The following PCBP3 variants were observed in gnomAD, a reference collection of about 807,000 sequenced individuals.
PCBP3 encodes poly(rC)-binding protein 3.
A neutral mutation model predicts 52.7 loss-of-function variants in PCBP3; 25 were observed. The observed-to-expected ratio is 0.47, with a 90% CI of 0.35 to 0.66. The LOEUF (loss-of-function observed/expected upper bound fraction) is 0.66. Ranked by LOEUF, PCBP3 falls within the 30% of genes least tolerant of loss-of-function variation. The pLI is 0.01. For synonymous variants in PCBP3, 162 were observed against 183.0 expected (o/e 0.89, Z 0.93); for missense variants, 391 against 490.3 (o/e 0.80, Z 1.91).
chr21:45,811,870 G>A lies in PCBP3; in HGVS notation c.-125-38091G>A, dbSNP rs377740207. Among the ~76,000 whole-genome samples the A allele has an allele frequency of 8.5e-4, 129 of 152,262 alleles. 3 individuals are homozygous for A. The South Asian group carries it at 0.026, about 31-fold the overall frequency. ...TACACCTATTGTAATAACTGATTTG[G>A]TTGAGTTTATTCTTCCTTCTTCTTA... On this transcript the variant is annotated intron_variant, in intron 4 of 17. Transcript: ENST00000681687.
At chr21:45,847,528 A>G (rs1230120064) in intron 4 of PCBP3, among the ~76,000 whole-genome samples, 1 of 152,214 alleles carries the variant, frequency 6.6e-6, no homozygotes, top group Admixed American at 6.5e-5. Context: ...CACAGTGTTC[A>G]TTGAGTTCTT....
At chr21:45,784,115 G>T (rs1412097156) in intron 4 of PCBP3, among the ~76,000 whole-genome samples, 1 of 152,188 alleles carries the variant, frequency 6.6e-6, no homozygotes, top group Non-Finnish European at 1.5e-5. Context: ...AATTTGCAGA[G>T]TCCAGTGTGG....
At chr21:45,786,216 C>T (rs7275564) in intron 4 of PCBP3, among the ~76,000 whole-genome samples, 1 of 148,226 alleles carries the variant, frequency 6.7e-6, no homozygotes, top group Admixed American at 6.7e-5. Context: ...AAAAATAGTG[C>T]CAGTGAGCTC....
In PCBP3 at chr21:45,901,096, G is replaced by T; in HGVS notation, c.322G>T (p.Ala108Ser). ...CATCTTCAAGGCCTTTGCCATGATC[G>T]CATACAAGTTTGAGGAGGTAACCTG... ...DAIFKAFAMI[A>S]YKFEEDIINS... is the part of the protein sequence containing the mutation. The change falls in exon 9 of 18, where the codon GCA becomes TCA. Residue 108 changes from alanine to serine, a missense_variant. By Grantham distance (99) the Ala-to-Ser change is moderately conservative. Transcript: ENST00000681687. 2.5e-6 allele frequency: 4 copies of T among 1,612,066 alleles called. No individual in the cohort carries two copies. The highest frequency in any genetic ancestry group is 2.2e-5 in the East Asian group (1 of 44,862).
At chr21:45,698,177 C>G (rs1233731828) in intron 2 of PCBP3, among the ~76,000 whole-genome samples, 1 of 152,184 alleles carries the variant, frequency 6.6e-6, no homozygotes, top group Non-Finnish European at 1.5e-5. Context: ...CAGGCCTGTT[C>G]CACAGACTCT....
chr21:45,872,842 T>C (rs995006734), intron 5 of PCBP3: 3 of 152,252 alleles, frequency 2.0e-5, no homozygotes, highest in African/African-American at 7.2e-5. Flanking sequence ...TGACAGAATT[T>C]GTGATATAAC....
At chr21:45,894,060 C>T (rs1214143021) in intron 5 of PCBP3, 4 of 983,824 alleles carry the variant, frequency 4.1e-6, no homozygotes, top group Non-Finnish European at 4.8e-6. Context: ...ATGCCTCGTC[C>T]ACCCTGGCCT....
intron 16 of PCBP3, among the ~76,000 whole-genome samples, chr21:45,939,694 G>A (rs1032251644): frequency 9.9e-5 from 15 of 152,218 alleles, no homozygotes; most frequent in East Asian, 1.9e-4. Context: ...CCTGTGGGTC[G>A]CTCCTGGACC....
At chr21:45,854,853 C>T (rs745438495) in intron 5 of PCBP3, among the ~76,000 whole-genome samples, 4 of 152,292 alleles carry the variant, frequency 2.6e-5, no homozygotes, top group African/African-American at 7.2e-5. Flanking sequence ...GCAAGCACTC[C>T]GAGCCTCTGC....
At chr21:45,774,079 C>T (rs940674666) in intron 4 of PCBP3, among the ~76,000 whole-genome samples, 5 of 152,022 alleles carry the variant, frequency 3.3e-5, no homozygotes, top group African/African-American at 1.2e-4. Flanking sequence ...ATTTTGTATC[C>T]TGCAACTTAC....
chr21:45,694,383 A>G (rs897267999), intron 2 of PCBP3, among the ~76,000 whole-genome samples: 2 of 152,206 alleles, frequency 1.3e-5, no homozygotes, highest in Non-Finnish European at 2.9e-5. Flanking sequence ...AGAAAAATCT[A>G]TACCACTTGA....
chr21:45,769,387 A>G (rs2089658948), intron 4 of PCBP3, among the ~76,000 whole-genome samples: 1 of 152,204 alleles, frequency 6.6e-6, no homozygotes, highest in South Asian at 2.1e-4. Context: ...CACCATTAGA[A>G]GACGCGGGTG....
chr21:45,929,845 G>C (rs1461631911), intron 13 of PCBP3, 72 bp from the exon 14 acceptor site: 1 of 1,115,628 alleles, frequency 9.0e-7, no homozygotes, highest in Non-Finnish European at 1.4e-6. Flanking sequence ...TTCTGTTACT[G>C]CCGTTTTAAT....
At chr21:45,895,470 G>A (rs972390833) in intron 5 of PCBP3, among the ~76,000 whole-genome samples, 7 of 152,164 alleles carry the variant, frequency 4.6e-5, no homozygotes, top group South Asian at 4.1e-4. Context: ...GGTCCCCACC[G>A]TGCCACACAA....
chr21:45,796,418 C>T (rs1225688768), intron 4 of PCBP3, among the ~76,000 whole-genome samples: 1 of 152,186 alleles, frequency 6.6e-6, no homozygotes, highest in Non-Finnish European at 1.5e-5. Context: ...TCAGTTTCCT[C>T]TTTGGGATGC....
chr21:45,694,747 A>G (rs536597992), intron 2 of PCBP3, among the ~76,000 whole-genome samples: 3 of 152,340 alleles, frequency 2.0e-5, no homozygotes, highest in South Asian at 2.1e-4. Context: ...AAGAACTTCT[A>G]GAAATAAAAC....
rs971629090 is a variant in PCBP3, at chr21:45,829,833, T to G, written c.-125-20128T>G. The G allele has an allele frequency of 8.5e-5, 13 of 152,544 alleles. No homozygotes were observed. Among genetic ancestry groups the G allele is most frequent in the African/African-American group, 1.4e-4 (6 of 41,450 alleles). The allele number at this position is 152,544 out of a possible 1,614,324, so 9.4% of individuals were successfully genotyped here. ...CGGGGAGGCCTGGTTCCCCTGACAT[T>G]CTGCTGCCAGGAAGATGCAGCTCTA... On this transcript the variant is annotated intron_variant, in intron 4 of 17. Transcript: ENST00000681687. This position sits in a 1 kb window ranked among gnomAD's most constrained non-coding sequence, Gnocchi z 5.2.
chr21:45,855,916 C>T (rs574991011), intron 5 of PCBP3, among the ~76,000 whole-genome samples: 133 of 152,346 alleles, frequency 8.7e-4, no homozygotes, highest in Non-Finnish European at 1.1e-3. Flanking sequence ...GGAGTCACAC[C>T]GTACAAACCG....
At chr21:45,826,596 T>C (rs1010224315) in intron 4 of PCBP3, among the ~76,000 whole-genome samples, 1 of 152,122 alleles carries the variant, frequency 6.6e-6, no homozygotes, top group African/African-American at 2.4e-5. Context: ...AGGTGCTGGG[T>C]ATTTTATATA....
Sources: gnomAD v4.1 joint callset for allele counts (sites outside exome capture counted in the v4.1 genomes callset) on GRCh38, gnomAD v4.1.1 for gene constraint, Gnocchi (gnomAD v3.1) non-coding constraint, MANE v1.5 for transcripts, NCBI Gene and HGNC (gene_info 2026-07-23, HGNC 2026-07-21) for gene names.